The following PTPRK variants were observed in gnomAD, a reference collection of about 807,000 sequenced individuals.
The protein encoded by PTPRK is protein tyrosine phosphatase receptor type K.
A neutral mutation model predicts 178.0 loss-of-function variants in PTPRK; 75 were observed. The observed-to-expected ratio is 0.42, with a 90% CI of 0.35 to 0.51. The LOEUF is 0.51. Among genes scored for constraint, PTPRK ranks in the 20% least tolerant of loss-of-function variants. PTPRK has a pLI of 0.02. For missense variants in PTPRK, 1,441 were observed against 1,797.8 expected, an observed-to-expected ratio of 0.80 and a Z score of 3.59; for synonymous variants, 637 against 620.6, an observed-to-expected ratio of 1.03 and a Z score of -0.39.
At chr6:128,029,606 C>T (rs991002525) in intron 13 of PTPRK, among the ~76,000 whole-genome samples, 9 of 150,526 alleles carry the variant, frequency 6.0e-5, no homozygotes, top group Middle Eastern at 3.5e-3. Flanking sequence ...CAATGCACTC[C>T]AGCCTGGGTG....
At chr6:128,390,657 G>A (rs958128069) in intron 2 of PTPRK, among the ~76,000 whole-genome samples, 7 of 152,118 alleles carry the variant, frequency 4.6e-5, no homozygotes, top group Non-Finnish European at 8.8e-5. Context: ...TTTTATATTA[G>A]ACAGACAGAT....
chr6:128,161,591 T>A (rs370394480), intron 7 of PTPRK, among the ~76,000 whole-genome samples: 12 of 151,740 alleles, frequency 7.9e-5, no homozygotes, highest in African/African-American at 2.4e-4. Flanking sequence ...GTCAGTTACA[T>A]TAGCTCCAAT....
chr6:128,479,063 C>A (rs1036728029), intron 1 of PTPRK, among the ~76,000 whole-genome samples: 1 of 151,980 alleles, frequency 6.6e-6, no homozygotes, highest in Non-Finnish European at 1.5e-5. Flanking sequence ...AAAGCCTCAG[C>A]AAACACTGAC....
intron 1 of PTPRK, among the ~76,000 whole-genome samples, chr6:128,443,823 C>T (rs1846595046): frequency 6.6e-6 from 1 of 151,914 alleles, no homozygotes; most frequent in Admixed American, 6.6e-5. Flanking sequence ...GTTTCCGGGG[C>T]TTGACAGAGA....
chr6:127,983,372 C>A lies in PTPRK; in HGVS notation c.3257G>T (p.Gly1086Val), dbSNP rs760920964. 6.2e-7 allele frequency: 1 copy of A among 1,612,392 alleles called. No homozygotes were observed. The highest frequency in any genetic ancestry group is 8.5e-7 in the Non-Finnish European group (1 of 1,179,350). Residue 1086 changes from glycine (G) to valine (V), a missense_variant, in exon 23 of 30, where the codon GGT becomes GTT. This residue lies in a region of PTPRK where 335 missense variants were observed against 512.4 expected (regional missense o/e 0.65). Coordinates refer to ENST00000368226, the MANE Select transcript of PTPRK (RefSeq NM_002844.4). ...AGPIVVHCSA[G>V]AGRTGCYIVI... ...AATGTAGCAGCCAGTTCGTCCAGCA[C>A]CAGCACTGAAAAACAATTAAATTTA...
chr6:128,350,494 A>G (rs937704969), intron 2 of PTPRK, among the ~76,000 whole-genome samples: 4 of 152,182 alleles, frequency 2.6e-5, no homozygotes, highest in African/African-American at 7.2e-5. Flanking sequence ...CATCAATCCA[A>G]CGACCACTGA....
At chr6:128,225,633 C>T (rs1355664865) in intron 5 of PTPRK, among the ~76,000 whole-genome samples, 1 of 151,848 alleles carries the variant, frequency 6.6e-6, no homozygotes, top group Non-Finnish European at 1.5e-5. Flanking sequence ...ATTTTAAAAA[C>T]ATGAAAGTAT....
chr6:128,418,290 A>G (rs1346075207), intron 1 of PTPRK, among the ~76,000 whole-genome samples: 1 of 152,192 alleles, frequency 6.6e-6, no homozygotes, highest in East Asian at 1.9e-4. Context: ...AGTCCTCATT[A>G]CAAACTTGTT....
chr6:128,138,029 AG>A (rs1409735098), intron 7 of PTPRK, among the ~76,000 whole-genome samples: 2 of 152,150 alleles, frequency 1.3e-5, no homozygotes, highest in Non-Finnish European at 2.9e-5. Flanking sequence ...CAAAATATAC[AG>A]CTTTATAAAA....
chr6:128,226,495 C>A (rs1201957347), intron 5 of PTPRK, among the ~76,000 whole-genome samples: 1 of 151,802 alleles, frequency 6.6e-6, no homozygotes, highest in African/African-American at 2.4e-5. Context: ...TAAGATTATC[C>A]TAGATAGTCT....
chr6:128,161,369 C>G (rs927561530), intron 7 of PTPRK, among the ~76,000 whole-genome samples: 1 of 151,560 alleles, frequency 6.6e-6, no homozygotes, highest in Admixed American at 6.6e-5. Context: ...TCATCACCCA[C>G]AGGCCAAAAT....
At chr6:128,220,641 C>T (rs1273859868) in intron 5 of PTPRK, among the ~76,000 whole-genome samples, 8 of 152,142 alleles carry the variant, frequency 5.3e-5, no homozygotes, top group African/African-American at 1.7e-4. Flanking sequence ...GGCAATTCTA[C>T]TTCTAGGTTT....
intron 5 of PTPRK, among the ~76,000 whole-genome samples, chr6:128,221,251 G>A (rs1354845888): frequency 6.6e-6 from 1 of 152,012 alleles, no homozygotes; most frequent in Non-Finnish European, 1.5e-5. Flanking sequence ...CTGGCCAGGC[G>A]CGGTGGCTCA....
chr6:128,058,156 A>G (rs890672660), intron 13 of PTPRK, among the ~76,000 whole-genome samples: 1 of 152,190 alleles, frequency 6.6e-6, no homozygotes, highest in Non-Finnish European at 1.5e-5. Flanking sequence ...GGGTGTATTA[A>G]CATACATATT....
chr6:128,036,846 C>A (rs577660625), intron 13 of PTPRK, among the ~76,000 whole-genome samples: 1 of 151,948 alleles, frequency 6.6e-6, no homozygotes, highest in Non-Finnish European at 1.5e-5. Flanking sequence ...ATTTTCCTGC[C>A]TCAGTCTCTG....
At chr6:128,393,833 T>A (rs1020416354) in intron 2 of PTPRK, among the ~76,000 whole-genome samples, 16 of 152,184 alleles carry the variant, frequency 1.1e-4, no homozygotes, top group African/African-American at 3.9e-4. Flanking sequence ...TTTATTTTTT[T>A]CAATTTACAT....
intron 1 of PTPRK, among the ~76,000 whole-genome samples, chr6:128,497,859 T>C (rs1341072041): frequency 6.6e-6 from 1 of 152,044 alleles, no homozygotes; most frequent in East Asian, 1.9e-4. Flanking sequence ...GTGAGATGAC[T>C]ACGAATCACT....
intron 7 of PTPRK, among the ~76,000 whole-genome samples, chr6:128,124,743 C>T (rs890322958): frequency 1.3e-5 from 2 of 152,252 alleles, no homozygotes; most frequent in Middle Eastern, 3.4e-3. Flanking sequence ...TGTGGGTAGG[C>T]CTTATCCAAT....
intron 1 of PTPRK, among the ~76,000 whole-genome samples, chr6:128,436,958 A>T (rs528719677): frequency 6.6e-6 from 1 of 151,946 alleles, no homozygotes; most frequent in South Asian, 2.1e-4. Flanking sequence ...TGTATTGTGC[A>T]CTTAGAAATT....
Sources: allele counts gnomAD v4.1 joint callset (sites outside exome capture counted in the v4.1 genomes callset), GRCh38; gene constraint gnomAD v4.1.1; regional missense constraint gnomAD v4.1.1; transcripts MANE v1.5; gene names NCBI Gene and HGNC (gene_info 2026-07-23, HGNC 2026-07-21).